DNAH5: variants seen among roughly 807,000 people sequenced by gnomAD.
The protein encoded by DNAH5 is axonemal beta dynein heavy chain 5.
In DNAH5, 372 loss-of-function variants were observed where a neutral mutation model predicts 518.2. The observed-to-expected ratio is 0.72, with a 90% CI of 0.66 to 0.78. The LOEUF (loss-of-function observed/expected upper bound fraction) is 0.78, where lower values mean the gene tolerates loss of function less well. Among genes scored for constraint, DNAH5 ranks in the 30% least tolerant of loss-of-function variants. The pLI, the probability that DNAH5 is intolerant of heterozygous loss-of-function variation, is 0.00. For synonymous variants in DNAH5, 2,039 were observed against 2,025.9 expected (o/e 1.01, Z -0.17); for missense variants, 5,523 against 5,687.0 (o/e 0.97, Z 0.93).
At chr5:13,957,218 GGA>G (rs2152042221) in intron 1 of DNAH5, among the ~76,000 whole-genome samples, 1 of 152,340 alleles carries the variant, frequency 6.6e-6, no homozygotes, top group South Asian at 2.1e-4. Context: ...CACTACAGAA[GGA>G]GAGACTCTGG....
At chr5:13,799,183 T>C (rs1023570497) in intron 47 of DNAH5, among the ~76,000 whole-genome samples, 6 of 148,846 alleles carry the variant, frequency 4.0e-5, no homozygotes, top group African/African-American at 1.5e-4. Flanking sequence ...CATGACATTG[T>C]ACAATAGCAA....
chr5:13,788,985 A>G, intron 50 of DNAH5, 71 bp from the exon 51 acceptor site: 1 of 1,358,748 alleles, frequency 7.4e-7, no homozygotes, highest in Non-Finnish European at 1.0e-6. Flanking sequence ...GGTTGACAGT[A>G]CTGTAGAGTA....
Position 13,753,374 on chromosome 5 carries a change from G to T in DNAH5, c.10731C>A (p.Asn3577Lys), listed in dbSNP as rs376292253. Reference protein sequence around the residue: ...LIDAPTISEWNLQGLPNDDLS... With the variant: ...LIDAPTISEWKLQGLPNDDLS... ...AGTCATCATTTGGCAGACCTTGGAG[G>T]TTCCATTCACTAATAGTAGGAGCAT... Residue 3577 changes from asparagine to lysine, a missense_variant, in exon 63 of 79, where the codon AAC becomes AAA. Asn to Lys is a moderately conservative substitution (Grantham distance 94). Around this residue, in one of 3 missense-constraint regions of DNAH5, gnomAD observed 5,121 missense variants for 5,223.3 expected, o/e 0.98. Transcript: ENST00000265104. 6 of 1,614,018 alleles carry T rather than the reference G, an allele frequency of 3.7e-6. No individual in the cohort carries two copies. In the East Asian group the frequency reaches 1.1e-4, roughly 30 times the overall value.
intron 1 of DNAH5, among the ~76,000 whole-genome samples, chr5:13,982,350 G>A (rs987882917): frequency 5.7e-5 from 8 of 141,034 alleles, no homozygotes; most frequent in East Asian, 1.9e-4. Flanking sequence ...GTAGACATAC[G>A]CATTATTGCA....
In DNAH5 at chr5:13,972,258, G is replaced by C. The variant is rs569645650; in HGVS notation, c.12+39390C>G. On this transcript the variant is annotated intron_variant, in intron 1 of 78. Transcript: ENST00000681290. The stretch of plus-strand genomic sequence containing the variant: ...GGCTACAAGCCTCCCTGTTGAGAAA[G>C]CAAGCAGGGCTGTCAGGTTCCATGC... Among the ~76,000 whole-genome samples, 36 of 152,310 alleles carry C rather than the reference G, an allele frequency of 2.4e-4. 1 individual carries two copies. The South Asian group carries it at 5.6e-3, about 24-fold the overall frequency.
intron 41 of DNAH5, among the ~76,000 whole-genome samples, chr5:13,818,744 C>G (rs1464241001): frequency 6.6e-6 from 1 of 152,158 alleles, no homozygotes; most frequent in Admixed American, 6.5e-5. Context: ...GCTTCTAATA[C>G]AGAACCTGAC....
At chr5:13,842,441 A>AGAGAGAGAGAGAGAGAGAGAGAG (rs1765349629) in intron 32 of DNAH5, among the ~76,000 whole-genome samples, 7 of 102,150 alleles carry the variant, frequency 6.9e-5, no homozygotes, top group African/African-American at 3.0e-4. Flanking sequence ...GAAAGAAAGA[A>AGAGAGAGAGAGAGAGAGAGAGAG]AGAAAGAAAG....
At chr5:13,798,546 A>G (rs1433054516) in intron 47 of DNAH5, among the ~76,000 whole-genome samples, 1 of 152,112 alleles carries the variant, frequency 6.6e-6, no homozygotes, top group African/African-American at 2.4e-5. Context: ...GATAAAATAA[A>G]TTCTCCTTCT....
chr5:13,772,157 T>A (rs1753430113), intron 55 of DNAH5, among the ~76,000 whole-genome samples: 1 of 152,162 alleles, frequency 6.6e-6, no homozygotes, highest in Non-Finnish European at 1.5e-5. Context: ...ATACATTTTG[T>A]GTAGGTGTTA....
intron 30 of DNAH5, among the ~76,000 whole-genome samples, chr5:13,851,864 G>A (rs795519): frequency 0.44 from 66,296 of 151,366 alleles, 14,732 homozygotes; most frequent in South Asian, 0.5. Context: ...TGCATTTCCA[G>A]CTGAGGTACC....
At chr5:14,009,281 T>C (rs1271803466) in intron 1 of DNAH5, among the ~76,000 whole-genome samples, 1 of 152,250 alleles carries the variant, frequency 6.6e-6, no homozygotes, top group African/African-American at 2.4e-5. Context: ...CTAGCATTTC[T>C]TATGCAGCAG....
Position 13,841,062 on chromosome 5 carries a change from A to C in DNAH5, c.5553T>G (p.Phe1851Leu). 6.2e-7 allele frequency: 1 copy of C among 1,614,128 alleles called. No individual in the cohort carries two copies. The highest frequency in any genetic ancestry group is 1.1e-5 in the South Asian group (1 of 91,082). The change falls in exon 34 of 79, where the codon TTT becomes TTG. Residue 1851 changes from phenylalanine (F) to leucine (L), a missense_variant. Physicochemically the swap from Phe to Leu is conservative, Grantham distance 22. Around this residue, in one of 3 missense-constraint regions of DNAH5, gnomAD observed 5,121 missense variants for 5,223.3 expected, o/e 0.98. Coordinates refer to ENST00000265104, the MANE Select transcript of DNAH5 (RefSeq NM_001369.3). ...TAGTTTTCTGCATGATTTTTTTATC[A>C]AACTTGGCATTTCTAAGGGCTTCTT... ...DSEEALRNAK[F>L]DKKIMQKTNQ...
At chr5:13,704,780 C>A (rs1331610627) in intron 76 of DNAH5, among the ~76,000 whole-genome samples, 1 of 152,142 alleles carries the variant, frequency 6.6e-6, no homozygotes, top group African/African-American at 2.4e-5. Context: ...GAAAGGCAAA[C>A]ACTACATCAT....
intron 1 of DNAH5, among the ~76,000 whole-genome samples, chr5:14,004,794 AG>A (rs1784606335): frequency 6.6e-6 from 1 of 152,194 alleles, no homozygotes; most frequent in Non-Finnish European, 1.5e-5. Flanking sequence ...GTGTGACTTT[AG>A]GCAACTGACT....
chr5:13,954,790 T>A (rs1260222972), intron 1 of DNAH5, among the ~76,000 whole-genome samples: 2 of 152,204 alleles, frequency 1.3e-5, no homozygotes, highest in Non-Finnish European at 2.9e-5. Context: ...ACTTTTTGAG[T>A]GAGGCCTGTT....
In DNAH5 at chr5:13,708,245, G is replaced by A. The variant is rs1179101931; in HGVS notation, c.13216C>T (p.Leu4406Phe). 1.9e-6 allele frequency: 3 copies of A among 1,614,154 alleles called. No homozygotes were observed. Among genetic ancestry groups the A allele is most frequent in the Non-Finnish European group, 2.5e-6 (3 of 1,180,022 alleles). The change falls in exon 76 of 79, where the codon CTT becomes TTT. Residue 4406 changes from leucine to phenylalanine, a missense_variant. Transcript: ENST00000265104. ...AGCTCAGTGAGGGTGCTGCGGACAA[G>A]GCTGAGTACCCTTTGCATTCTGTCT... is the stretch of plus-strand genomic sequence containing the variant. Reference protein sequence around the residue: ...EIDRMQRVLSLVRSTLTELKL... With the variant: ...EIDRMQRVLSFVRSTLTELKL...
intron 76 of DNAH5, among the ~76,000 whole-genome samples, chr5:13,703,295 C>T (rs908326059): frequency 1.3e-5 from 2 of 152,174 alleles, no homozygotes; most frequent in African/African-American, 4.8e-5. Context: ...ACTTCACACA[C>T]ATCAACTCAT....
intron 1 of DNAH5, among the ~76,000 whole-genome samples, chr5:13,968,312 CTT>C (rs1781661522): frequency 6.6e-6 from 1 of 152,088 alleles, no homozygotes; most frequent in Non-Finnish European, 1.5e-5. Flanking sequence ...CTTTCTTTCT[CTT>C]GTCTGACTGC....
In DNAH5 at chr5:13,926,838, T is replaced by C. The variant is rs567382887; in HGVS notation, c.277+1256A>G. Among the ~76,000 whole-genome samples the C allele has an allele frequency of 1.2e-4, 19 of 152,360 alleles. No homozygotes were observed. In the East Asian group the frequency reaches 3.5e-3, roughly 28 times the overall value. On this transcript the variant is annotated intron_variant, in intron 3 of 78. Transcript: ENST00000265104. Reference sequence around the variant, plus strand: ...TCATGGATAAACTTGATCTTTCATTTGAGCTTATGTTTTGCAATCTGGTGT... The same window carrying C: ...TCATGGATAAACTTGATCTTTCATTCGAGCTTATGTTTTGCAATCTGGTGT...
Sources: gnomAD v4.1 joint callset for allele counts (sites outside exome capture counted in the v4.1 genomes callset) on GRCh38, gnomAD v4.1.1 for gene constraint, gnomAD v4.1.1 regional missense constraint, MANE v1.5 for transcripts, NCBI Gene and HGNC (gene_info 2026-07-23, HGNC 2026-07-21) for gene names.